The following KCNIP4 variants were observed in gnomAD, a reference collection of about 807,000 sequenced individuals.
KCNIP4 encodes the protein Kv channel-interacting protein 4.
KCNIP4 carries 12 observed loss-of-function variants against 34.0 expected under a neutral mutation model. The ratio of observed to expected loss-of-function variants is 0.35; its 90% confidence interval spans 0.23 to 0.57. The LOEUF is 0.57. KCNIP4 is among the 20% of genes least tolerant of loss of function. The pLI is 0.83. For synonymous variants in KCNIP4, 124 were observed against 102.2 expected, an observed-to-expected ratio of 1.21 and a Z score of -1.29; for missense variants, 238 against 311.7, an observed-to-expected ratio of 0.76 and a Z score of 1.78.
At chr4:21,262,838 G>A (rs1427318244) in intron 1 of KCNIP4, among the ~76,000 whole-genome samples, 1 of 152,084 alleles carries the variant, frequency 6.6e-6, no homozygotes, top group African/African-American at 2.4e-5. Flanking sequence ...TGAATTTCTT[G>A]TTCACTTGTC....
intron 1 of KCNIP4, among the ~76,000 whole-genome samples, chr4:21,757,232 AAAG>A (rs1314479129): frequency 3.9e-4 from 10 of 25,526 alleles, no homozygotes; most frequent in African/African-American, 1.7e-3. Flanking sequence ...AGAAAGAAAG[AAAG>A]AAAGAAAGAA....
chr4:21,651,964 G>A (rs67403544), intron 1 of KCNIP4, among the ~76,000 whole-genome samples: 4,651 of 152,124 alleles, frequency 0.031, 100 homozygotes, highest in Non-Finnish European at 0.045. Context: ...ATAATACAAA[G>A]TCATTATTAC....
At position 21,137,878 on chromosome 4, in the gene KCNIP4, G is replaced by GT. The variant is rs71189685; in HGVS notation, c.62-255170dup. ...CTTTTTCCCTTACACAGGCTTTTTTGTTTTTTTTTTTTTGATGGAGTCTTG... is the reference window on the plus strand; with the variant it reads ...CTTTTTCCCTTACACAGGCTTTTTTGTTTTTTTTTTTTTTGATGGAGTCTTG... On this transcript the variant is annotated intron_variant, in intron 1 of 8. Coordinates refer to ENST00000382152, the MANE Select transcript of KCNIP4 (RefSeq NM_025221.6). 2.2e-3 allele frequency among the ~76,000 whole-genome samples: 301 copies of GT among 133,858 alleles called. 5 individuals are homozygous for GT. Among genetic ancestry groups the GT allele is most frequent in the East Asian group, 0.011 (52 of 4,768 alleles). 87.8% of individuals were successfully genotyped at this position (133,858 alleles called of 152,430 possible). A position where few individuals can be genotyped will look rare whatever the true frequency, so the allele number is the denominator to read the frequency against.
At chr4:20,853,109 CT>C (rs1403455915) in intron 2 of KCNIP4, among the ~76,000 whole-genome samples, 1 of 152,154 alleles carries the variant, frequency 6.6e-6, no homozygotes, top group Non-Finnish European at 1.5e-5. Flanking sequence ...CATGATTATT[CT>C]TCACAGAATT....
chr4:21,762,907 AG>A lies in KCNIP4; in HGVS notation c.61+185663del. 2.3e-6 allele frequency: 3 copies of A among 1,286,298 alleles called. No homozygotes were observed. The East Asian group carries it at 1.7e-4, about 72-fold the overall frequency. 79.7% of individuals were successfully genotyped at this position (1,286,298 alleles called of 1,614,324 possible). ...GGGGGGTGTAGGTGGATGGAATTGG[AG>A]GGAAGGACTCACATGATGATCTGAC... is the stretch of plus-strand genomic sequence containing the variant. On this transcript the variant is annotated intron_variant, in intron 1 of 8. Transcript: ENST00000382152.
intron 1 of KCNIP4, among the ~76,000 whole-genome samples, chr4:20,944,351 C>T (rs1731966728): frequency 6.6e-6 from 1 of 152,180 alleles, no homozygotes; most frequent in Non-Finnish European, 1.5e-5. Flanking sequence ...ACTGGAGTTG[C>T]ATTTCCATAG....
chr4:21,159,306 G>A (rs1753402304), intron 1 of KCNIP4, among the ~76,000 whole-genome samples: 1 of 152,240 alleles, frequency 6.6e-6, no homozygotes, highest in Middle Eastern at 3.4e-3. Context: ...TGAATATGTA[G>A]AATATTGATT....
chr4:21,158,796 A>G (rs1391461160), intron 1 of KCNIP4, among the ~76,000 whole-genome samples: 2 of 152,044 alleles, frequency 1.3e-5, no homozygotes, highest in Non-Finnish European at 1.5e-5. Context: ...TGCAACAACA[A>G]AAAAAAGAAA....
intron 1 of KCNIP4, among the ~76,000 whole-genome samples, chr4:21,723,514 A>G (rs906232777): frequency 6.6e-6 from 1 of 152,074 alleles, no homozygotes; most frequent in Non-Finnish European, 1.5e-5. Context: ...AGAAATATTG[A>G]GTTCAGTATG....
intron 1 of KCNIP4, among the ~76,000 whole-genome samples, chr4:20,982,636 T>C (rs1736175527): frequency 6.6e-6 from 1 of 152,212 alleles, no homozygotes; most frequent in Admixed American, 6.5e-5. Context: ...TCTAAACAGT[T>C]AGAACCTAAT....
At chr4:20,990,864 T>C (rs1194884177) in intron 1 of KCNIP4, among the ~76,000 whole-genome samples, 2 of 152,216 alleles carry the variant, frequency 1.3e-5, no homozygotes, top group East Asian at 3.8e-4. Flanking sequence ...TTTAAGGCCG[T>C]GATTCTCCAG....
intron 1 of KCNIP4, among the ~76,000 whole-genome samples, chr4:21,483,010 T>C (rs1422672200): frequency 7.1e-6 from 1 of 140,448 alleles, no homozygotes; most frequent in Non-Finnish European, 1.5e-5. Context: ...AAACACCGCA[T>C]AGGTGGGAAT....
chr4:21,820,283 G>GTATATATATATATATATATA (rs1288802050), intron 1 of KCNIP4, among the ~76,000 whole-genome samples: 1 of 127,504 alleles, frequency 7.8e-6, no homozygotes, highest in African/African-American at 3.4e-5. Flanking sequence ...ATGTGTGTGT[G>GTATATATATATATATATATA]TGTATATATA....
At chr4:21,917,618 T>A (rs1728708037) in intron 1 of KCNIP4, among the ~76,000 whole-genome samples, 1 of 141,576 alleles carries the variant, frequency 7.1e-6, no homozygotes, top group Non-Finnish European at 1.6e-5. Flanking sequence ...GACTGTCTAA[T>A]CCATATGTGA....
intron 1 of KCNIP4, among the ~76,000 whole-genome samples, chr4:21,061,548 A>G (rs1743917340): frequency 6.6e-6 from 1 of 152,134 alleles, no homozygotes; most frequent in African/African-American, 2.4e-5. Flanking sequence ...TGGAGAAGCA[A>G]GTAGAAAGGG....
At chr4:21,584,211 A>G (rs1271308839) in intron 1 of KCNIP4, among the ~76,000 whole-genome samples, 1 of 152,122 alleles carries the variant, frequency 6.6e-6, no homozygotes, top group South Asian at 2.1e-4. Flanking sequence ...GAATAAAGTT[A>G]AATGAGTGTC....
chr4:20,941,722 G>A (rs1731657918), intron 1 of KCNIP4, among the ~76,000 whole-genome samples: 1 of 152,156 alleles, frequency 6.6e-6, no homozygotes, highest in Non-Finnish European at 1.5e-5. Context: ...TATTAGTTTT[G>A]TAATAGAGCT....
rs538053022 is a variant in KCNIP4, at chr4:20,841,028, A to C, written c.288+9515T>G. Among the ~76,000 whole-genome samples, 9 of 152,332 alleles carry C rather than the reference A, an allele frequency of 5.9e-5. No individual in the cohort carries two copies. In the South Asian group the frequency reaches 1.9e-3, roughly 32 times the overall value. ...GAGATTGCTCTTAACATTTTTGAGTAGTACTTGATAAAACAAATAGAAGGT... is the reference window on the plus strand; with the variant it reads ...GAGATTGCTCTTAACATTTTTGAGTCGTACTTGATAAAACAAATAGAAGGT... On this transcript the variant is annotated intron_variant, in intron 3 of 8. Coordinates refer to ENST00000382152, the MANE Select transcript of KCNIP4 (RefSeq NM_025221.6).
intron 1 of KCNIP4, chr4:21,697,218 C>G (rs1712414375): frequency 8.1e-7 from 1 of 1,239,338 alleles, no homozygotes; most frequent in African/African-American, 1.6e-5. Flanking sequence ...TCAGCAAATA[C>G]AGTTGCATTT....
Sources: allele counts gnomAD v4.1 joint callset (sites outside exome capture counted in the v4.1 genomes callset), GRCh38; gene constraint gnomAD v4.1.1; transcripts MANE v1.5; gene names NCBI Gene and HGNC (gene_info 2026-07-23, HGNC 2026-07-21).